The following ADAMTS19 variants were observed in gnomAD, a reference collection of about 807,000 sequenced individuals.
The protein encoded by ADAMTS19 is ADAM metallopeptidase with thrombospondin type 1 motif 19.
Under a neutral mutation model 153.3 loss-of-function variants are expected in ADAMTS19, and 93 were observed. That is an observed-to-expected ratio of 0.61 (90% CI 0.51 to 0.72). The LOEUF (loss-of-function observed/expected upper bound fraction) is 0.72, where lower values mean the gene tolerates loss of function less well. Among genes scored for constraint, ADAMTS19 ranks in the 30% least tolerant of loss-of-function variants. The pLI is 0.00. For missense variants in ADAMTS19, 1,482 were observed against 1,552.1 expected (o/e 0.95, Z 0.76); for synonymous variants, 600 against 556.6 (o/e 1.08, Z -1.10).
At chr5:129,533,146 G>A (rs1265192477) in intron 6 of ADAMTS19, among the ~76,000 whole-genome samples, 3 of 152,014 alleles carry the variant, frequency 2.0e-5, no homozygotes, top group Non-Finnish European at 4.4e-5. Flanking sequence ...ATTAGAAACT[G>A]ATCAGAAGAT....
rs552844627 is a variant in ADAMTS19, at chr5:129,710,884, T to C, written c.3312+6493T>C. On this transcript the variant is annotated intron_variant, in intron 21 of 22. Transcript: ENST00000274487. ...CCCTGATGTCTAATGTTTTTTGCTT[T>C]TGTTGTTTTTTTCTTTACATTGCCA... Among the ~76,000 whole-genome samples, 193 of 152,332 alleles carry C rather than the reference T, an allele frequency of 1.3e-3. 1 individual carries two copies. Among genetic ancestry groups the C allele is most frequent in the African/African-American group, 4.5e-3 (188 of 41,572 alleles).
intron 7 of ADAMTS19, among the ~76,000 whole-genome samples, chr5:129,578,158 G>A (rs867514528): frequency 8.6e-5 from 7 of 81,490 alleles, no homozygotes; most frequent in South Asian, 4.9e-4. Flanking sequence ...GTATATGTAC[G>A]TATACGTACA....
At chr5:129,560,294 C>CT (rs1318904524) in intron 7 of ADAMTS19, among the ~76,000 whole-genome samples, 3 of 151,918 alleles carry the variant, frequency 2.0e-5, no homozygotes, top group East Asian at 1.9e-4. Flanking sequence ...CATGCTATAA[C>CT]TTTTTTTTAG....
At chr5:129,511,511 G>A (rs1751437654) in intron 3 of ADAMTS19, among the ~76,000 whole-genome samples, 1 of 151,660 alleles carries the variant, frequency 6.6e-6, no homozygotes, top group Non-Finnish European at 1.5e-5. Flanking sequence ...CAGGAATGTG[G>A]AGATAAATGA....
At chr5:129,548,312 T>C (rs1313501801) in intron 6 of ADAMTS19, among the ~76,000 whole-genome samples, 3 of 141,774 alleles carry the variant, frequency 2.1e-5, no homozygotes, top group South Asian at 2.2e-4. Flanking sequence ...CTACAATGAA[T>C]TCAAACAAAT....
At chr5:129,533,667 G>T (rs1003146217) in intron 6 of ADAMTS19, among the ~76,000 whole-genome samples, 1 of 152,046 alleles carries the variant, frequency 6.6e-6, no homozygotes, top group Non-Finnish European at 1.5e-5. Flanking sequence ...TGCTTCTCTA[G>T]TTCTTTTAAT....
Position 129,596,616 on chromosome 5 carries a change from A to G in ADAMTS19, c.1430A>G (p.Asp477Gly). The change falls in exon 8 of 23, where the codon GAC becomes GGC. Residue 477 changes from aspartate to glycine, a missense_variant. By Grantham distance (94) the Asp-to-Gly change is moderately conservative. Coordinates refer to ENST00000274487, the MANE Select transcript of ADAMTS19 (RefSeq NM_133638.6). ...AAGAGAAAATGTATTATTGCTGAAG[A>G]CAATGGCTTGAATCTTGCTTTTACA... Reference protein sequence around the residue: ...SEKRKCIIAEDNGLNLAFTIA... With the variant: ...SEKRKCIIAEGNGLNLAFTIA... The G allele has an allele frequency of 1.9e-6, 3 of 1,608,834 alleles. No homozygotes were observed. Among genetic ancestry groups the G allele is most frequent in the Non-Finnish European group, 2.5e-6 (3 of 1,177,772 alleles).
chr5:129,652,826 A>G (rs1023257198), intron 13 of ADAMTS19, among the ~76,000 whole-genome samples: 15 of 152,194 alleles, frequency 9.9e-5, no homozygotes, highest in African/African-American at 3.6e-4. Flanking sequence ...AGCATTATAT[A>G]TACCACTTTT....
intron 7 of ADAMTS19, among the ~76,000 whole-genome samples, chr5:129,554,587 A>G (rs1235650083): frequency 6.6e-6 from 1 of 152,150 alleles, no homozygotes. Flanking sequence ...ATCTGACATC[A>G]TATACTGCAG....
At chr5:129,729,892 A>T (rs1757363166) in intron 21 of ADAMTS19, among the ~76,000 whole-genome samples, 1 of 152,062 alleles carries the variant, frequency 6.6e-6, no homozygotes, top group African/African-American at 2.4e-5. Flanking sequence ...TCTGTGACTA[A>T]TTATGGGCCT....
At chr5:129,535,976 C>T (rs1165173783) in intron 6 of ADAMTS19, among the ~76,000 whole-genome samples, 1 of 152,140 alleles carries the variant, frequency 6.6e-6, no homozygotes, top group African/African-American at 2.4e-5. Context: ...AACACCTAGG[C>T]AATACCATTC....
intron 21 of ADAMTS19, among the ~76,000 whole-genome samples, chr5:129,714,388 C>T (rs919401258): frequency 1.2e-4 from 16 of 137,994 alleles, no homozygotes; most frequent in Non-Finnish European, 2.0e-4. Context: ...CACTGCAGTC[C>T]GCAGTCCGGC....
At chr5:129,617,745 T>A (rs904064014) in intron 8 of ADAMTS19, among the ~76,000 whole-genome samples, 2 of 152,090 alleles carry the variant, frequency 1.3e-5, no homozygotes, top group Non-Finnish European at 2.9e-5. Flanking sequence ...TATTATGTCA[T>A]ATTTATAATT....
chr5:129,527,076 C>G (rs895405838), intron 4 of ADAMTS19, among the ~76,000 whole-genome samples: 13 of 151,702 alleles, frequency 8.6e-5, no homozygotes, highest in African/African-American at 2.7e-4. Flanking sequence ...TCACAGGTGG[C>G]CTACTGGAGT....
chr5:129,520,063 T>G (rs557235724), intron 3 of ADAMTS19, among the ~76,000 whole-genome samples: 1 of 152,228 alleles, frequency 6.6e-6, no homozygotes, highest in South Asian at 2.1e-4. Context: ...GAATCAGCAT[T>G]TTAAACATGG....
rs376025766 is a variant in ADAMTS19, at chr5:129,585,759, A to G, written c.1373-10800A>G. On this transcript the variant is annotated intron_variant, in intron 7 of 22. Transcript: ENST00000274487. ...AAAAAGTTGTTTCACATAGTATAGAATTAGAGGTTGGCAGATTCTTATTTG... is the reference window on the plus strand; with the variant it reads ...AAAAAGTTGTTTCACATAGTATAGAGTTAGAGGTTGGCAGATTCTTATTTG... Among the ~76,000 whole-genome samples the G allele has an allele frequency of 6.6e-5, 10 of 152,310 alleles. 1 individual carries two copies. Among genetic ancestry groups the G allele is most frequent in the African/African-American group, 2.4e-4 (10 of 41,580 alleles).
At chr5:129,702,639 T>C (rs1755930977) in intron 20 of ADAMTS19, among the ~76,000 whole-genome samples, 1 of 152,070 alleles carries the variant, frequency 6.6e-6, no homozygotes, top group Non-Finnish European at 1.5e-5. Context: ...TTATAATGTA[T>C]ACTTTTGCAA....
intron 8 of ADAMTS19, among the ~76,000 whole-genome samples, chr5:129,599,788 T>C (rs1233914521): frequency 6.6e-6 from 1 of 152,180 alleles, no homozygotes; most frequent in Non-Finnish European, 1.5e-5. Flanking sequence ...AATATTATTT[T>C]ATTTGACTTT....
intron 21 of ADAMTS19, among the ~76,000 whole-genome samples, chr5:129,718,314 TAA>T (rs2127194087): frequency 6.6e-6 from 1 of 152,242 alleles, no homozygotes. Flanking sequence ...ACATTTTCAT[TAA>T]AGAGGCAAGA....
Sources: allele counts gnomAD v4.1 joint callset (sites outside exome capture counted in the v4.1 genomes callset), GRCh38; gene constraint gnomAD v4.1.1; transcripts MANE v1.5; gene names NCBI Gene and HGNC (gene_info 2026-07-23, HGNC 2026-07-21).